Variants in CEP85 observed in about 807,000 individuals in gnomAD.
CEP85 encodes the protein centrosomal protein of 85 kDa.
In CEP85, 58 loss-of-function variants were observed where a neutral mutation model predicts 93.7. That is an observed-to-expected ratio of 0.62 (90% CI 0.50 to 0.77). CEP85 has a LOEUF of 0.77. Ranked by LOEUF, CEP85 falls within the 30% of genes least tolerant of loss-of-function variation. The pLI is 0.00. For missense variants in CEP85, 868 were observed against 922.0 expected, an observed-to-expected ratio of 0.94 and a Z score of 0.76; for synonymous variants, 314 against 338.6, an observed-to-expected ratio of 0.93 and a Z score of 0.80.
intron 4 of CEP85, 84 bp downstream of exon 4, chr1:26,255,949 TAAAG>T: frequency 1.7e-6 from 2 of 1,198,160 alleles, no homozygotes; most frequent in Non-Finnish European, 2.3e-6. Context: ...AATTTTGGCT[TAAAG>T]AAAATAGCTG....
intron 7 of CEP85, among the ~76,000 whole-genome samples, chr1:26,265,604 A>G (rs905226360): frequency 2.0e-5 from 3 of 152,010 alleles, no homozygotes; most frequent in African/African-American, 7.2e-5. Flanking sequence ...GAATTCCCCT[A>G]TTTTTCAGCT....
At position 26,244,215 on chromosome 1, in the gene CEP85, C is replaced by G. The variant is rs777893077; in HGVS notation, c.105C>G (p.Thr35=). The change falls in exon 3 of 14, where the codon ACC becomes ACG. Residue 35 remains threonine (T), a synonymous_variant. Transcript: ENST00000451429. ...KGSSLGTEWQ[T]PVISEPFRSR... Reference sequence around the variant, plus strand: ...GTTCCCTGGGGACTGAATGGCAGACCCCAGTTATCTCGGAGCCCTTTCGGA... The same window carrying G: ...GTTCCCTGGGGACTGAATGGCAGACGCCAGTTATCTCGGAGCCCTTTCGGA... The G allele has an allele frequency of 1.2e-6, 2 of 1,613,510 alleles. No homozygotes were observed. Among genetic ancestry groups the G allele is most frequent in the East Asian group, 4.5e-5 (2 of 44,858 alleles).
chr1:26,241,848 G>T (rs1040258654), intron 2 of CEP85, among the ~76,000 whole-genome samples: 1 of 151,556 alleles, frequency 6.6e-6, no homozygotes, highest in African/African-American at 2.4e-5. Context: ...TGCAACTTCT[G>T]TCTCCTGGGT....
intron 2 of CEP85, among the ~76,000 whole-genome samples, chr1:26,243,193 C>T (rs367812956): frequency 1.2e-4 from 18 of 149,178 alleles, no homozygotes; most frequent in East Asian, 1.2e-3. Context: ...AGTGCAGTGG[C>T]GCAATCTTTG....
chr1:26,255,260 G>C lies in CEP85; in HGVS notation c.298G>C (p.Gly100Arg). The C allele has an allele frequency of 6.2e-7, 1 of 1,614,080 alleles. No individual in the cohort carries two copies. Among genetic ancestry groups the C allele is most frequent in the Non-Finnish European group, 8.5e-7 (1 of 1,180,024 alleles). Residue 100 changes from glycine (G) to arginine (R), a missense_variant, in exon 4 of 14, where the codon GGG (glycine) becomes CGG (arginine). Gly to Arg is a moderately radical substitution (Grantham distance 125). Transcript: ENST00000451429. ...PTAHVMPSTL[G>R]TSPAKPNSTP... ...AGCCCATGTGATGCCTTCTACTTTA[G>C]GGACCTCTCCTGCCAAGCCAAATTC...
Position 26,255,332 on chromosome 1 carries a change from G to A in CEP85, c.370G>A (p.Ala124Thr). Residue 124 changes from alanine to threonine, a missense_variant, in exon 4 of 14, where the codon GCT becomes ACT. By Grantham distance (58) the Ala-to-Thr change is moderately conservative. Coordinates refer to ENST00000451429, the MANE Select transcript of CEP85 (RefSeq NM_001319944.2). Reference protein sequence around the residue: ...SSSKLPLSGLAESVGMTRNGD... With the variant: ...SSSKLPLSGLTESVGMTRNGD... ...CTCTAAACTCCCTTTGTCAGGGTTG[G>A]CTGAAAGTGTGGGAATGACAAGAAA... 1 of 1,614,106 alleles carries A rather than the reference G, an allele frequency of 6.2e-7. No individual in the cohort carries two copies. Among genetic ancestry groups the A allele is most frequent in the Non-Finnish European group, 8.5e-7 (1 of 1,180,024 alleles).
chr1:26,270,065 C>T (rs150274298), intron 9 of CEP85, among the ~76,000 whole-genome samples: 4,947 of 152,106 alleles, frequency 0.033, 140 homozygotes, highest in Non-Finnish European at 0.047. Flanking sequence ...TGTGAGCCAC[C>T]GCGCCCGGCC....
chr1:26,243,927 G>A lies in CEP85; in HGVS notation c.56-239G>A, dbSNP rs191442527. On this transcript the variant is annotated intron_variant, in intron 2 of 13. Coordinates refer to ENST00000451429, the MANE Select transcript of CEP85 (RefSeq NM_001319944.2). ...GCAGAGAATTGCTTGAACCCAGGAG[G>A]TGGAGGCTGCAGTGAGCTGCGCGCC... Among the ~76,000 whole-genome samples, 290 of 151,054 alleles carry A rather than the reference G, an allele frequency of 1.9e-3. 1 individual carries two copies. Among genetic ancestry groups the A allele is most frequent in the African/African-American group, 6.4e-3 (260 of 40,894 alleles).
In CEP85 at chr1:26,277,547, T is replaced by C. The variant is rs1411129028; in HGVS notation, c.*254T>C. ...ACTTTTGGCAGGTACAACAGATAAG[T>C]CCTCACAAACTGTTCCCAGCCCTAG... On this transcript the variant is annotated 3_prime_UTR_variant, in exon 14 of 14. Coordinates refer to ENST00000451429, the MANE Select transcript of CEP85 (RefSeq NM_001319944.2). The C allele has an allele frequency of 5.2e-6, 2 of 383,516 alleles. No individual in the cohort carries two copies. The highest frequency in any genetic ancestry group is 9.8e-6 in the Non-Finnish European group (2 of 203,458). 23.8% of individuals were successfully genotyped at this position (383,516 alleles called of 1,614,324 possible).
intron 7 of CEP85, among the ~76,000 whole-genome samples, chr1:26,262,603 T>A (rs2089829123): frequency 6.6e-6 from 1 of 152,170 alleles, no homozygotes; most frequent in East Asian, 1.9e-4. Flanking sequence ...GATCCACTGG[T>A]ACCACAGATG....
chr1:26,255,195 C>A lies in CEP85; in HGVS notation c.233C>A (p.Pro78His), dbSNP rs745521925. 9 of 1,613,828 alleles carry A rather than the reference C, an allele frequency of 5.6e-6. No individual in the cohort carries two copies. Among genetic ancestry groups the A allele is most frequent in the Non-Finnish European group, 6.8e-6 (8 of 1,179,752 alleles). The change falls in exon 4 of 14, where the codon CCT becomes CAT. Residue 78 changes from proline (P) to histidine (H), a missense_variant. Transcript: ENST00000451429. ...AEDFCSSSGS[P>H]PFQPIKSHVT... ...GATTTTTGCAGCTCAAGTGGCAGTC[C>A]TCCTTTCCAGCCCATCAAAAGCCAC...
chr1:26,256,956 T>TGTGTGTGTGTGTGTGTGTTG (rs1557658491), intron 4 of CEP85, among the ~76,000 whole-genome samples: 1 of 149,526 alleles, frequency 6.7e-6, no homozygotes. Context: ...TGTGTGTGTG[T>TGTGTGTGTGTGTGTGTGTTG]TTTGGAGACA....
intron 1 of CEP85, among the ~76,000 whole-genome samples, chr1:26,238,389 C>T (rs568105735): frequency 1.3e-3 from 200 of 151,564 alleles, no homozygotes; most frequent in African/African-American, 4.5e-3. Context: ...TTAGTAGAGA[C>T]GGGGTTTCAC....
In CEP85 at chr1:26,278,762, T is replaced by G. The variant is rs1329730652; in HGVS notation, c.*1469T>G. 1.3e-5 allele frequency: 2 copies of G among 152,588 alleles called. No homozygotes were observed. Among genetic ancestry groups the G allele is most frequent in the African/African-American group, 4.8e-5 (2 of 41,464 alleles). 9.5% of individuals were successfully genotyped at this position (152,588 alleles called of 1,614,324 possible). ...TATATGAATCTTTGTTATGTCCATT[T>G]GTTTGTATTGCGTATTTTGATTATA... On this transcript the variant is annotated 3_prime_UTR_variant, in exon 14 of 14. Transcript: ENST00000451429.
At chr1:26,266,656 T>A (rs1435269077) in intron 7 of CEP85, among the ~76,000 whole-genome samples, 1 of 152,258 alleles carries the variant, frequency 6.6e-6, no homozygotes, top group African/African-American at 2.4e-5. Flanking sequence ...TACTGTTATA[T>A]CTTTGGATTA....
intron 4 of CEP85, among the ~76,000 whole-genome samples, chr1:26,256,928 G>GGGGTGT (rs1553159974): frequency 7.2e-5 from 8 of 111,402 alleles, no homozygotes; most frequent in African/African-American, 2.4e-4. Context: ...GTTTTGTTTT[G>GGGGTGT]GTGTGTGTGT....
chr1:26,238,754 A>G (rs2089371193), intron 1 of CEP85, among the ~76,000 whole-genome samples: 1 of 152,238 alleles, frequency 6.6e-6, no homozygotes, highest in Admixed American at 6.5e-5. Flanking sequence ...TTACACAGCT[A>G]ATAAATTGAT....
In CEP85 at chr1:26,259,815, G is replaced by A; in HGVS notation, c.1341+13G>A. 6.3e-7 allele frequency: 1 copy of A among 1,599,570 alleles called. No homozygotes were observed. Among genetic ancestry groups the A allele is most frequent in the South Asian group, 1.1e-5 (1 of 88,796 alleles). ...ACAGGAAGAAAGGGTGAGCTGAGTA[G>A]CTGATAGCCCTAGTTCACAAAGGAG... On this transcript the variant is annotated intron_variant, in intron 7 of 13. Coordinates refer to ENST00000451429, the MANE Select transcript of CEP85 (RefSeq NM_001319944.2).
intron 7 of CEP85, among the ~76,000 whole-genome samples, chr1:26,264,799 C>A (rs1438760519): frequency 1.3e-5 from 2 of 151,980 alleles, no homozygotes; most frequent in African/African-American, 4.8e-5. Context: ...CCCCACAGTT[C>A]TATACATAGT....
Sources: allele counts gnomAD v4.1 joint callset (sites outside exome capture counted in the v4.1 genomes callset), GRCh38; gene constraint gnomAD v4.1.1; transcripts MANE v1.5; gene names NCBI Gene and HGNC (gene_info 2026-07-23, HGNC 2026-07-21).